The following CTCFL variants were observed in gnomAD, a reference collection of about 807,000 sequenced individuals.
CTCFL encodes the protein CCCTC-binding factor like, also known as transcriptional repressor CTCFL.
Under a neutral mutation model 67.4 loss-of-function variants are expected in CTCFL, and 36 were observed. That is an observed-to-expected ratio of 0.53 (90% CI 0.41 to 0.71). The LOEUF is 0.71. Ranked by LOEUF, CTCFL falls within the 30% of genes least tolerant of loss-of-function variation. The pLI is 0.00. For synonymous variants in CTCFL, 324 were observed against 302.3 expected (o/e 1.07, Z -0.75); for missense variants, 786 against 835.2 (o/e 0.94, Z 0.73).
intron 1 of CTCFL, 60 bp from the exon 2 acceptor site, chr20:57,524,276 G>A: frequency 2.0e-6 from 3 of 1,523,774 alleles, no homozygotes; most frequent in Non-Finnish European, 2.6e-6. Context: ...TATGAGGAGG[G>A]ATGCGGGGGG....
intron 9 of CTCFL, among the ~76,000 whole-genome samples, chr20:57,506,553 C>G (rs1341015305): frequency 6.6e-6 from 1 of 152,218 alleles, no homozygotes; most frequent in Non-Finnish European, 1.5e-5. Context: ...CCACCTGCCT[C>G]TGCCTCCCAA....
At chr20:57,524,356 C>A in intron 1 of CTCFL, 140 bp from the exon 2 acceptor site, 1 of 1,470,790 alleles carries the variant, frequency 6.8e-7, no homozygotes. Flanking sequence ...TTAGTAGGGT[C>A]AGAACAATGC....
intron 9 of CTCFL, 48 bp downstream of exon 9, chr20:57,508,558 T>C: frequency 3.8e-6 from 6 of 1,568,564 alleles, no homozygotes; most frequent in South Asian, 1.1e-5. Context: ...CCTCCTGAGA[T>C]AGAGGGATCT....
Position 57,523,897 on chromosome 20 carries a change from C to T in CTCFL, c.309G>A (p.Gln103=). 6.2e-7 allele frequency: 1 copy of T among 1,613,192 alleles called. No homozygotes were observed. The highest frequency in any genetic ancestry group is 8.5e-7 in the Non-Finnish European group (1 of 1,180,042). Residue 103 remains glutamine, a synonymous_variant, in exon 2 of 11, where the codon CAG becomes CAA. Transcript: ENST00000243914. Reference sequence around the variant, plus strand: ...CCACCACCTGCACCCCTTCTTGCTGCTGTATGCTCAGCAAGCTCATATCCT... The same window carrying T: ...CCACCACCTGCACCCCTTCTTGCTGTTGTATGCTCAGCAAGCTCATATCCT... ...ELQDMSLLSI[Q]QQEGVQVVVQ...
rs141419071 is a variant in CTCFL, at chr20:57,523,863, G to A, written c.343C>T (p.Pro115Ser). Residue 115 changes from proline (P) to serine (S), a missense_variant, in exon 2 of 11, where the codon CCT (proline) becomes TCT (serine). Pro to Ser is a moderately conservative substitution (Grantham distance 74). Transcript: ENST00000243914. ...TCAAGCCACAGCAACCCAGGGCCAG[G>A]CTGTTGCACCACCACCTGCACCCCT... ...QEGVQVVVQQ[P>S]GPGLLWLEEG... 418 of 1,613,180 alleles carry A rather than the reference G, an allele frequency of 2.6e-4. 3 individuals carry two copies. In the African/African-American group the frequency reaches 5.0e-3, roughly 19 times the overall value.
At chr20:57,507,044 C>A (rs6064554) in intron 9 of CTCFL, 6 of 986,090 alleles carry the variant, frequency 6.1e-6, no homozygotes, top group Non-Finnish European at 7.2e-6. Context: ...TAGGCTGAAG[C>A]CTACATGGTC....
intron 6 of CTCFL, chr20:57,515,489 C>G: frequency 1.9e-6 from 1 of 533,572 alleles, no homozygotes; most frequent in Non-Finnish European, 3.3e-6. Flanking sequence ...GAAGCAAATA[C>G]TTTGTGTTTT....
chr20:57,523,942 A>G lies in CTCFL; in HGVS notation c.264T>C (p.Thr88=). The stretch of plus-strand genomic sequence containing the variant: ...TATCCTGCAACTCCACAGCTTCAGA[A>G]GTGAAGTGCACCGTCTGCAGGGTCA... ...YILTLQTVHF[T]SEAVELQDMS... is the part of the protein sequence containing the mutation. The change falls in exon 2 of 11, where the codon ACT becomes ACC. Residue 88 remains threonine, a synonymous_variant. Transcript: ENST00000243914. 6.2e-7 allele frequency: 1 copy of G among 1,613,126 alleles called. No individual in the cohort carries two copies.
chr20:57,505,479 A>C (rs2068156095), intron 9 of CTCFL, among the ~76,000 whole-genome samples: 1 of 151,888 alleles, frequency 6.6e-6, no homozygotes, highest in Admixed American at 6.6e-5. Flanking sequence ...GATGGTCTCG[A>C]TCTCCTGACC....
At chr20:57,515,514 G>T in intron 6 of CTCFL, 200 bp downstream of exon 6, 2 of 613,262 alleles carry the variant, frequency 3.3e-6, no homozygotes, top group East Asian at 5.8e-5. Context: ...CACACAGTGG[G>T]GTTGTGGCAC....
downstream of CTCFL, chr20:57,496,384 CT>C: frequency 1.7e-6 from 1 of 574,404 alleles, no homozygotes; most frequent in Non-Finnish European, 3.2e-6. Flanking sequence ...AATTAAAACT[CT>C]TTTCTTTATA....
At chr20:57,508,582 T>C (rs767570664) in intron 9 of CTCFL, 24 bp downstream of exon 9, 40 of 1,609,666 alleles carry the variant, frequency 2.5e-5, no homozygotes, top group Non-Finnish European at 3.2e-5. Flanking sequence ...CATGGGGGAT[T>C]TACTGTGACT....
In CTCFL at chr20:57,503,656, C is replaced by G. The variant is rs992023678; in HGVS notation, c.1675-55G>C. ...GGCGAGTGAGATGGGGCAGGGACCCCTCTCAGGGGCCTGTGGGGACCCCAC... is the reference window on the plus strand; with the variant it reads ...GGCGAGTGAGATGGGGCAGGGACCCGTCTCAGGGGCCTGTGGGGACCCCAC... On this transcript the variant is annotated intron_variant, in intron 9 of 10. Transcript: ENST00000243914. The G allele has an allele frequency of 5.7e-6, 9 of 1,566,598 alleles. No individual in the cohort carries two copies. In the African/African-American group the frequency reaches 1.3e-4, roughly 23 times the overall value.
Position 57,514,704 on chromosome 20 carries a change from G to C in CTCFL, c.1218C>G (p.Arg406=), listed in dbSNP as rs1426905856. 6.2e-7 allele frequency: 1 copy of C among 1,614,216 alleles called. No homozygotes were observed. Among genetic ancestry groups the C allele is most frequent in the Non-Finnish European group, 8.5e-7 (1 of 1,180,028 alleles). Residue 406 remains arginine, a synonymous_variant, in exon 7 of 11, where the codon CGC becomes CGG. Coordinates refer to ENST00000243914, the MANE Select transcript of CTCFL (RefSeq NM_001386993.1). The part of the protein sequence containing the change: ...KPYECHICHT[R]FTQSGTMKIH... ...TTTTCATGGTCCCGCTCTGGGTGAA[G>C]CGGGTGTGGCAGATGTGGCATTCGT...
intron 9 of CTCFL, among the ~76,000 whole-genome samples, chr20:57,505,051 T>G (rs1026752246): frequency 2.6e-5 from 4 of 151,862 alleles, no homozygotes; most frequent in Admixed American, 1.3e-4. Context: ...AAGAGTCGGC[T>G]TCCCCAAAGG....
chr20:57,507,628 G>A lies in CTCFL; in HGVS notation c.1674+978C>T, dbSNP rs558557624. On this transcript the variant is annotated intron_variant, in intron 9 of 10. Coordinates refer to ENST00000243914, the MANE Select transcript of CTCFL (RefSeq NM_001386993.1). The stretch of plus-strand genomic sequence containing the variant: ...GTCCCTGTAGCAAGGAACTGAGGCC[G>A]GTGCCAGCAGTTGTGTGGCGGAGCT... The A allele has an allele frequency of 2.4e-4, 168 of 703,008 alleles. 1 individual carries two copies. In the African/African-American group the frequency reaches 2.5e-3, roughly 11 times the overall value. The allele number at this position is 703,008 out of a possible 1,614,324, so 43.5% of individuals were successfully genotyped here.
Position 57,523,995 on chromosome 20 carries a change from G to C in CTCFL, c.211C>G (p.Pro71Ala). The change falls in exon 2 of 11, where the codon CCC becomes GCC. Residue 71 changes from proline to alanine, a missense_variant. Physicochemically the swap from Pro to Ala is conservative, Grantham distance 27 (BLOSUM62 -1). Transcript: ENST00000243914. ...LEEEVELVLA[P>A]SEESEKYILT... ...ATGTACTTCTCGCTCTCCTCCGAGG[G>C]GGCCAGCACCAGCTCCACTTCTTCC... 1 of 1,613,234 alleles carries C rather than the reference G, an allele frequency of 6.2e-7. No homozygotes were observed. Among genetic ancestry groups the C allele is most frequent in the East Asian group, 2.2e-5 (1 of 44,884 alleles).
intron 3 of CTCFL, among the ~76,000 whole-genome samples, chr20:57,522,687 C>T (rs377714481): frequency 2.0e-4 from 31 of 152,164 alleles, no homozygotes; most frequent in African/African-American, 7.5e-4. Context: ...GCACCCTCTA[C>T]GGCTTCCTGA....
intron 3 of CTCFL, among the ~76,000 whole-genome samples, chr20:57,520,425 C>G (rs920422751): frequency 6.6e-6 from 1 of 152,160 alleles, no homozygotes; most frequent in East Asian, 1.9e-4. Flanking sequence ...CAAAATCCAT[C>G]CCTCCATAAA....
Sources: gnomAD v4.1 joint callset for allele counts (sites outside exome capture counted in the v4.1 genomes callset) on GRCh38, gnomAD v4.1.1 for gene constraint, MANE v1.5 for transcripts, NCBI Gene and HGNC (gene_info 2026-07-23, HGNC 2026-07-21) for gene names.